The following FBXO42 variants were observed in gnomAD, a reference collection of about 807,000 sequenced individuals.
The protein encoded by FBXO42 is F-box protein 42, also known as F-box only protein 42.
A neutral mutation model predicts 71.7 loss-of-function variants in FBXO42; 12 were observed. The observed-to-expected ratio is 0.17, with a 90% CI of 0.11 to 0.27. The LOEUF is 0.27. Ranked by LOEUF, FBXO42 falls within the 10% of genes least tolerant of loss-of-function variation. The pLI is 1.00. For synonymous variants in FBXO42, 325 were observed against 327.5 expected, an observed-to-expected ratio of 0.99 and a Z score of 0.08; for missense variants, 707 against 911.9, an observed-to-expected ratio of 0.78 and a Z score of 2.89.
At chr1:16,314,093 A>T (rs1420868378) in intron 2 of FBXO42, among the ~76,000 whole-genome samples, 1 of 152,026 alleles carries the variant, frequency 6.6e-6, no homozygotes, top group Non-Finnish European at 1.5e-5. Flanking sequence ...AGCTGGGATT[A>T]GGTGCCCACC....
At position 16,256,682 on chromosome 1, in the gene FBXO42, G is replaced by A. The variant is rs763594734; in HGVS notation, c.580C>T (p.Arg194Trp). Reference protein sequence around the residue: ...DLLVLFGGWTRPSPYPLHQPE... With the variant: ...DLLVLFGGWTWPSPYPLHQPE... ...TGGTGTAGGGGATAAGGGCTTGGCCGCGTCCAGCCACCAAACAGCACTAGC... is the reference window on the plus strand; with the variant it reads ...TGGTGTAGGGGATAAGGGCTTGGCCACGTCCAGCCACCAAACAGCACTAGC... Residue 194 changes from arginine (R) to tryptophan (W), a missense_variant, in exon 5 of 10, where the codon CGG becomes TGG. Around this residue, in one of 5 missense-constraint regions of FBXO42, gnomAD observed 10 missense variants for 40.2 expected, o/e 0.25. Transcript: ENST00000375592. 3.1e-6 allele frequency: 5 copies of A among 1,614,090 alleles called. No individual in the cohort carries two copies. Among genetic ancestry groups the A allele is most frequent in the Non-Finnish European group, 4.2e-6 (5 of 1,179,982 alleles).
chr1:16,252,238 T>C lies in FBXO42; in HGVS notation c.1038+50A>G, dbSNP rs1399118028. On this transcript the variant is annotated intron_variant, in intron 9 of 9. Transcript: ENST00000375592. This position sits in a 1 kb window ranked among gnomAD's most constrained non-coding sequence, Gnocchi z 4.4. ...GTAACCTGACAAAGTAATGTGGTTT[T>C]CCACAATTTAGGACCTGTCCTCCTG... 1 of 1,380,074 alleles carries C rather than the reference T, an allele frequency of 7.2e-7. No individual in the cohort carries two copies. 85.5% of individuals were successfully genotyped at this position (1,380,074 alleles called of 1,614,324 possible).
chr1:16,270,362 C>G (rs1314879802), intron 4 of FBXO42, among the ~76,000 whole-genome samples: 2 of 152,188 alleles, frequency 1.3e-5, no homozygotes, highest in Non-Finnish European at 2.9e-5. Flanking sequence ...TCCAGTGTCT[C>G]TGCTAGATGG....
At chr1:16,317,601 GCAAA>G (rs35197526) in intron 1 of FBXO42, among the ~76,000 whole-genome samples, 41,461 of 150,750 alleles carry the variant, frequency 0.28, 5,996 homozygotes, top group African/African-American at 0.3. Flanking sequence ...TCTCAAACAA[GCAAA>G]CAAACAAACA....
At chr1:16,350,409 C>T (rs886407184) in intron 1 of FBXO42, among the ~76,000 whole-genome samples, 1 of 151,448 alleles carries the variant, frequency 6.6e-6, no homozygotes, top group African/African-American at 2.4e-5. Context: ...AGCAAAGACA[C>T]TAAGAAAATC....
intron 1 of FBXO42, among the ~76,000 whole-genome samples, chr1:16,350,749 A>AGAAAGACAAGAAAGACAAG (rs148379808): frequency 2.1e-5 from 1 of 48,118 alleles, no homozygotes; most frequent in African/African-American, 1.1e-4. Flanking sequence ...ACTGCAAAAA[A>AGAAAGACAAGAAAGACAAG]AAAAAAAAAA....
intron 1 of FBXO42, among the ~76,000 whole-genome samples, chr1:16,322,083 C>T (rs1379974331): frequency 6.6e-6 from 1 of 152,036 alleles, no homozygotes; most frequent in Non-Finnish European, 1.5e-5. Context: ...AAAAAAATTA[C>T]ATCATTAGTA....
At chr1:16,334,108 T>C (rs2082527031) in intron 1 of FBXO42, among the ~76,000 whole-genome samples, 1 of 151,948 alleles carries the variant, frequency 6.6e-6, no homozygotes, top group South Asian at 2.1e-4. Context: ...CAGACAGAAA[T>C]ATGGGGAGGA....
chr1:16,340,455 G>T (rs1326499015), intron 1 of FBXO42, among the ~76,000 whole-genome samples: 4 of 151,880 alleles, frequency 2.6e-5, no homozygotes, highest in African/African-American at 9.7e-5. Flanking sequence ...CGAGTAGCTG[G>T]AATTAAAGGC....
intron 4 of FBXO42, among the ~76,000 whole-genome samples, chr1:16,270,256 A>C (rs2081825412): frequency 6.6e-6 from 1 of 152,130 alleles, no homozygotes; most frequent in Admixed American, 6.5e-5. Context: ...AACACCTCTT[A>C]AAGACCCCAC....
At chr1:16,316,370 C>A (rs1422968568) in intron 1 of FBXO42, among the ~76,000 whole-genome samples, 1 of 151,892 alleles carries the variant, frequency 6.6e-6, no homozygotes, top group Non-Finnish European at 1.5e-5. Flanking sequence ...AGTACATCAA[C>A]TTTAGAAACA....
Position 16,251,258 on chromosome 1 carries a change from T to G in FBXO42, c.1566A>C (p.Thr522=). 6.2e-7 allele frequency: 1 copy of G among 1,614,230 alleles called. No homozygotes were observed. The highest frequency in any genetic ancestry group is 8.5e-7 in the Non-Finnish European group (1 of 1,180,038). ...SNPMDGMDNR[T]VGGSMRHPPE... is the part of the protein sequence containing the mutation. ...GAGGGTGTCTCATACTTCCCCCAAC[T>G]GTCCTATTGTCCATGCCATCCATGG... Residue 522 remains threonine (T), a synonymous_variant, in exon 10 of 10, where the codon ACA becomes ACC. Transcript: ENST00000375592. This position sits in a 1 kb window ranked among gnomAD's most constrained non-coding sequence, Gnocchi z 4.5.
chr1:16,308,490 C>CTA (rs2082277061), intron 2 of FBXO42, among the ~76,000 whole-genome samples: 1 of 138,454 alleles, frequency 7.2e-6, no homozygotes, highest in Non-Finnish European at 1.6e-5. Context: ...TGAGACCCAT[C>CTA]TCTCTTTTTT....
chr1:16,323,575 T>C lies in FBXO42; in HGVS notation c.-17-8140A>G, dbSNP rs140989946. On this transcript the variant is annotated intron_variant, in intron 1 of 9. Transcript: ENST00000375592. Reference sequence around the variant, plus strand: ...ACTTTGGGAGGCTGAGGTGCGCGGATCTTTTGAGGTCAGGAGTTCGAGACC... The same window carrying C: ...ACTTTGGGAGGCTGAGGTGCGCGGACCTTTTGAGGTCAGGAGTTCGAGACC... Among the ~76,000 whole-genome samples the C allele has an allele frequency of 6.0e-3, 894 of 150,108 alleles. 6 individuals carry two copies. The highest frequency in any genetic ancestry group is 0.021 in the African/African-American group (858 of 40,836).
chr1:16,327,742 G>A (rs2082463403), intron 1 of FBXO42, among the ~76,000 whole-genome samples: 2 of 152,132 alleles, frequency 1.3e-5, no homozygotes, highest in African/African-American at 2.4e-5. Context: ...TCGCTCTGTT[G>A]CCCAGGCTGG....
chr1:16,279,902 A>C (rs2081944961), intron 4 of FBXO42, among the ~76,000 whole-genome samples: 1 of 142,692 alleles, frequency 7.0e-6, no homozygotes, highest in Admixed American at 7.3e-5. Context: ...GCTGGAGGGC[A>C]GTGGTGCAAT....
At chr1:16,333,051 ACTC>A (rs1364500931) in intron 1 of FBXO42, among the ~76,000 whole-genome samples, 1 of 151,672 alleles carries the variant, frequency 6.6e-6, no homozygotes, top group East Asian at 1.9e-4. Context: ...GAAATACCGT[ACTC>A]CTACTTGCCA....
chr1:16,325,945 C>T (rs2082445063), intron 1 of FBXO42, among the ~76,000 whole-genome samples: 1 of 149,224 alleles, frequency 6.7e-6, no homozygotes, highest in Non-Finnish European at 1.5e-5. Flanking sequence ...ATATGGAGAA[C>T]CATACGTTTT....
chr1:16,299,136 C>T (rs1432178023), intron 3 of FBXO42, among the ~76,000 whole-genome samples: 1 of 152,028 alleles, frequency 6.6e-6, no homozygotes, highest in Admixed American at 6.6e-5. Flanking sequence ...CTCAGCCTCC[C>T]GAGTAGCTGG....
Sources: gnomAD v4.1 joint callset for allele counts (sites outside exome capture counted in the v4.1 genomes callset) on GRCh38, gnomAD v4.1.1 for gene constraint, gnomAD v4.1.1 regional missense constraint, Gnocchi (gnomAD v3.1) non-coding constraint, MANE v1.5 for transcripts, NCBI Gene and HGNC (gene_info 2026-07-23, HGNC 2026-07-21) for gene names.